CTPS2: variants seen among roughly 807,000 people sequenced by gnomAD.
The protein encoded by CTPS2 is CTP synthase II.
Under a neutral mutation model 46.8 loss-of-function variants are expected in CTPS2, and 19 were observed. That is an observed-to-expected ratio of 0.41 (90% CI 0.28 to 0.60). CTPS2 has a LOEUF of 0.60. Ranked by LOEUF, CTPS2 falls within the 20% of genes least tolerant of loss-of-function variation. The probability of loss-of-function intolerance (pLI) is 0.35; values close to 1 mark genes in which losing one functional copy is unlikely to be tolerated. For synonymous variants in CTPS2, 151 were observed against 165.2 expected (o/e 0.91, Z 0.66); for missense variants, 286 against 447.6 (o/e 0.64, Z 3.26).
At chrX:16,662,014 G>A (rs1213010736) in intron 13 of CTPS2, among the ~76,000 whole-genome samples, 4 of 86,829 alleles carry the variant, frequency 4.6e-5, no homozygotes, top group Non-Finnish European at 9.5e-5. Context: ...ATATATATAT[G>A]CCTCAAAAGC....
chrX:16,695,608 A>G (rs6527714), intron 4 of CTPS2, among the ~76,000 whole-genome samples: 58,801 of 107,025 alleles, frequency 0.55, 12,825 homozygotes, highest in African/African-American at 0.83. Context: ...CTGGAGTGCA[A>G]TGGCGCGATG....
intron 13 of CTPS2, among the ~76,000 whole-genome samples, chrX:16,654,889 A>C (rs192460682): frequency 9.0e-6 from 1 of 110,526 alleles, no homozygotes; most frequent in East Asian, 2.8e-4. Context: ...CTGTCTAAAA[A>C]TAAAACAAAA....
chrX:16,614,961 G>C lies in CTPS2; in HGVS notation c.1546+2189C>G, dbSNP rs750030871. Among the ~76,000 whole-genome samples the C allele has an allele frequency of 3.6e-5, 4 of 112,433 alleles. No individual in the cohort carries two copies. In the East Asian group the frequency reaches 1.1e-3, roughly 31 times the overall value. On this transcript the variant is annotated intron_variant, in intron 16 of 18. Coordinates refer to ENST00000359276, the MANE Select transcript of CTPS2 (RefSeq NM_175859.3). ...GGAGGCCAAGGCAGGCGGATCACGA[G>C]GTCAGGAGTTCAAGACCAGCCTGGC...
Position 16,617,255 on chromosome X carries a change from C to G in CTPS2, c.1450-9G>C, listed in dbSNP as rs765200500. The G allele has an allele frequency of 1.1e-5, 13 of 1,180,483 alleles. No individual in the cohort carries two copies. The highest frequency in any genetic ancestry group is 1.5e-5 in the Non-Finnish European group (13 of 871,618). ...ATCAGGTTAGGGTTTACCTGCAAAA[C>G]AAGAAATTAAGTGTTTATGGGCCAC... On this transcript the variant is annotated splice_polypyrimidine_tract_variant and intron_variant, in intron 15 of 18. Coordinates refer to ENST00000359276, the MANE Select transcript of CTPS2 (RefSeq NM_175859.3).
intron 1 of CTPS2, among the ~76,000 whole-genome samples, chrX:16,704,033 G>A (rs763006989): frequency 4.7e-5 from 5 of 106,345 alleles, no homozygotes; most frequent in African/African-American, 1.7e-4. Flanking sequence ...CCACCTCCCC[G>A]GTCCAAATGA....
chrX:16,686,364 G>A (rs1382220314), intron 8 of CTPS2, among the ~76,000 whole-genome samples: 1 of 111,297 alleles, frequency 9.0e-6, no homozygotes, highest in Non-Finnish European at 1.9e-5. Context: ...CACCTACTAT[G>A]TACCCATAAA....
At chrX:16,674,654 C>A (rs1485235881) in intron 10 of CTPS2, among the ~76,000 whole-genome samples, 36 of 103,631 alleles carry the variant, frequency 3.5e-4, no homozygotes, top group Non-Finnish European at 4.7e-4. Context: ...CTGGCTAACA[C>A]GGTGAAACCC....
chrX:16,670,761 C>A, intron 10 of CTPS2, 87 bp from the exon 11 acceptor site: 1 of 567,522 alleles, frequency 1.8e-6, no homozygotes, highest in Non-Finnish European at 2.8e-6. Flanking sequence ...ATGCTTGGTC[C>A]AATCACTAGT....
intron 9 of CTPS2, among the ~76,000 whole-genome samples, chrX:16,679,249 T>G (rs1922538708): frequency 1.8e-5 from 2 of 110,668 alleles, no homozygotes; most frequent in Admixed American, 1.9e-4. Context: ...TCTCAGCTAC[T>G]CGGGAGGCTG....
At chrX:16,648,830 G>A (rs1034989223) in intron 13 of CTPS2, among the ~76,000 whole-genome samples, 1 of 112,197 alleles carries the variant, frequency 8.9e-6, no homozygotes, top group Admixed American at 9.5e-5. Flanking sequence ...TTTCCCATTT[G>A]TTCTCCAATG....
intron 8 of CTPS2, among the ~76,000 whole-genome samples, chrX:16,688,627 G>A (rs149725027): frequency 0.025 from 2,775 of 110,345 alleles, 87 homozygotes; most frequent in African/African-American, 0.085. Flanking sequence ...ATACTTGTCT[G>A]AAAGTTAGAA....
intron 6 of CTPS2, among the ~76,000 whole-genome samples, chrX:16,692,128 G>A (rs1339396951): frequency 9.0e-6 from 1 of 111,668 alleles, no homozygotes; most frequent in Non-Finnish European, 1.9e-5. Context: ...TGGATCACCT[G>A]CTATAAGGAC....
chrX:16,695,005 C>A (rs1569235037), intron 4 of CTPS2, among the ~76,000 whole-genome samples: 1 of 109,339 alleles, frequency 9.1e-6, no homozygotes, highest in African/African-American at 3.3e-5. Flanking sequence ...CTTTAAAAAA[C>A]AACAACAACA....
chrX:16,671,777 A>G (rs1397628260), intron 10 of CTPS2, among the ~76,000 whole-genome samples: 2 of 110,883 alleles, frequency 1.8e-5, no homozygotes, highest in Non-Finnish European at 3.8e-5. Flanking sequence ...AGCCTCCCAA[A>G]GTGCTGGGAT....
chrX:16,661,068 T>TCCTG (rs1317314412), intron 13 of CTPS2, among the ~76,000 whole-genome samples: 1 of 110,213 alleles, frequency 9.1e-6, no homozygotes, highest in Non-Finnish European at 1.9e-5. Context: ...CAAGTGATTC[T>TCCTG]CCTGCCTCAG....
chrX:16,681,508 G>T (rs2147333276), intron 9 of CTPS2, among the ~76,000 whole-genome samples: 1 of 111,559 alleles, frequency 9.0e-6, no homozygotes, highest in African/African-American at 3.2e-5. Flanking sequence ...CAGGGAGGAG[G>T]AATCTGCTTT....
At chrX:16,619,387 C>T (rs1297368592) in intron 15 of CTPS2, among the ~76,000 whole-genome samples, 2 of 112,216 alleles carry the variant, frequency 1.8e-5, no homozygotes, top group East Asian at 5.6e-4. Flanking sequence ...TGAAAAATGG[C>T]TACTAGTTCA....
At chrX:16,642,376 C>T (rs190439792) in intron 13 of CTPS2, among the ~76,000 whole-genome samples, 17 of 111,569 alleles carry the variant, frequency 1.5e-4, no homozygotes, top group Non-Finnish European at 2.4e-4. Flanking sequence ...CCAAATGTTG[C>T]CCTGAACATC....
chrX:16,621,189 G>A (rs1054142307), intron 14 of CTPS2, among the ~76,000 whole-genome samples: 1 of 107,660 alleles, frequency 9.3e-6, no homozygotes, highest in Admixed American at 1.0e-4. Flanking sequence ...CGATGGGCAC[G>A]GCGATCAACG....
Sources: allele counts gnomAD v4.1 joint callset (sites outside exome capture counted in the v4.1 genomes callset), GRCh38; gene constraint gnomAD v4.1.1; transcripts MANE v1.5; gene names NCBI Gene and HGNC (gene_info 2026-07-23, HGNC 2026-07-21).